SPMIP1: variants seen among roughly 807,000 people sequenced by gnomAD.
The protein encoded by SPMIP1 is sperm microtubule inner protein 1, also known as protein SPMIP1.
the SPMIP1 span, chr7:128,869,226 A>G: frequency 8.9e-6 from 2 of 223,984 alleles, no homozygotes; most frequent in Non-Finnish European, 1.7e-5. Flanking sequence ...CTGCTCCCGC[A>G]GGGCGCGCCG....
chr7:128,869,148 T>G, the SPMIP1 span: 2 of 358,020 alleles, frequency 5.6e-6, no homozygotes, highest in East Asian at 4.1e-5. Flanking sequence ...ACACCCCTCC[T>G]TGCCCGCCCC....
chr7:128,866,871 C>CATGGCTAGTGCTCTGTT, the SPMIP1 span: 1 of 1,501,830 alleles, frequency 6.7e-7, no homozygotes, highest in Non-Finnish European at 8.9e-7. Context: ...AAACAGAGCA[C>CATGGCTAGTGCTCTGTT]TAGCCATGTG....
chr7:128,866,691 C>T, the SPMIP1 span: 1 of 1,497,660 alleles, frequency 6.7e-7, no homozygotes, highest in Non-Finnish European at 8.9e-7. Context: ...TACCACCTAT[C>T]ACCCGAGCCC....
chr7:128,866,544 T>C, the SPMIP1 span: 1 of 1,535,920 alleles, frequency 6.5e-7, no homozygotes. Flanking sequence ...AGGCTAAGGC[T>C]GCAGCCCGCC....
the SPMIP1 span, chr7:128,866,363 C>A: frequency 4.2e-6 from 6 of 1,435,306 alleles, no homozygotes; most frequent in Non-Finnish European, 5.6e-6. Context: ...TTGCTGTGCT[C>A]ACCCCTCAGC....
chr7:128,866,464 T>C, the SPMIP1 span: 1 of 1,535,842 alleles, frequency 6.5e-7, no homozygotes, highest in Non-Finnish European at 8.7e-7. Flanking sequence ...GAAGGAGGAA[T>C]ATCTGAGGGA....
the SPMIP1 span, chr7:128,869,640 C>CA: frequency 6.6e-6 from 1 of 152,140 alleles, no homozygotes; most frequent in South Asian, 2.1e-4. Flanking sequence ...CGCTGCTGCT[C>CA]ACGGTCCCGC....
the SPMIP1 span, chr7:128,869,954 A>G: frequency 4.6e-5 from 7 of 151,956 alleles, no homozygotes; most frequent in Non-Finnish European, 1.0e-4. Flanking sequence ...CTGCCCGGAT[A>G]CCTCGGCGCG....
the SPMIP1 span, chr7:128,870,693 C>T: frequency 0.1 from 15,177 of 152,266 alleles, 1,414 homozygotes; most frequent in East Asian, 0.32. Context: ...TTCTGGGTCT[C>T]AGGCTCTGCC....
At chr7:128,867,893 A>C in the SPMIP1 span, among the ~76,000 whole-genome samples, 1 of 152,096 alleles carries the variant, frequency 6.6e-6, no homozygotes, top group Non-Finnish European at 1.5e-5. Flanking sequence ...AATCCATGAG[A>C]TCTCCTAGGG....
chr7:128,869,300 G>A, the SPMIP1 span: 3,734 of 165,016 alleles, frequency 0.023, 139 homozygotes, highest in African/African-American at 0.076. Context: ...TGGGGCGGGC[G>A]GGGCAGCACC....
chr7:128,867,235 T>C, the SPMIP1 span, among the ~76,000 whole-genome samples: 1 of 152,136 alleles, frequency 6.6e-6, no homozygotes, highest in Non-Finnish European at 1.5e-5. Flanking sequence ...TGGGCATCTG[T>C]TTGGTTATCC....
the SPMIP1 span, chr7:128,866,587 G>GCCCCCCCCCCCCC: frequency 6.6e-7 from 1 of 1,508,502 alleles, no homozygotes; most frequent in Non-Finnish European, 8.8e-7. Context: ...GCACCCCAAA[G>GCCCCCCCCCCCCC]CCCCACTCTC....
the SPMIP1 span, among the ~76,000 whole-genome samples, chr7:128,867,744 G>GT: frequency 2.6e-5 from 4 of 151,998 alleles, no homozygotes; most frequent in South Asian, 2.1e-4. Flanking sequence ...GCTAATTTTT[G>GT]TTTTTTTAGT....
chr7:128,869,728 G>A, the SPMIP1 span: 1 of 152,174 alleles, frequency 6.6e-6, no homozygotes, highest in African/African-American at 2.4e-5. Context: ...CCGCGCTTAA[G>A]CCCGCAGGCG....
At chr7:128,870,245 G>A in the SPMIP1 span, 1 of 152,576 alleles carries the variant, frequency 6.6e-6, no homozygotes, top group Non-Finnish European at 1.5e-5. Flanking sequence ...TTCCTCTGGG[G>A]GCTGCACAGT....
the SPMIP1 span, chr7:128,866,702 T>C: frequency 6.5e-7 from 1 of 1,528,722 alleles, no homozygotes; most frequent in Non-Finnish European, 8.7e-7. Context: ...ACCCGAGCCC[T>C]GCTGTATGAA....
At chr7:128,867,574 T>C in the SPMIP1 span, among the ~76,000 whole-genome samples, 8 of 152,060 alleles carry the variant, frequency 5.3e-5, no homozygotes, top group Non-Finnish European at 1.0e-4. Flanking sequence ...GGTGCTTTTT[T>C]TTTTTCTTTT....
the SPMIP1 span, chr7:128,868,536 T>G: frequency 7.2e-6 from 4 of 557,914 alleles, no homozygotes; most frequent in Non-Finnish European, 1.3e-5. Flanking sequence ...TCCAAAGCAC[T>G]TTCTATTTCT....
Sources: gnomAD v4.1 joint callset for allele counts (sites outside exome capture counted in the v4.1 genomes callset) on GRCh38, gnomAD v4.1.1 for gene constraint, MANE v1.5 for transcripts, NCBI Gene and HGNC (gene_info 2026-07-23, HGNC 2026-07-21) for gene names.